The following SLC5A11 variants were observed in gnomAD, a reference collection of about 807,000 sequenced individuals.
SLC5A11 encodes the protein sodium/myo-inositol cotransporter 2.
SLC5A11 carries 48 observed loss-of-function variants against 69.8 expected under a neutral mutation model. The ratio of observed to expected loss-of-function variants is 0.69; its 90% CI spans 0.55 to 0.87. The LOEUF (loss-of-function observed/expected upper bound fraction) is 0.87. Among genes scored for constraint, SLC5A11 ranks in the 40% least tolerant of loss-of-function variants. The probability of loss-of-function intolerance (pLI) is 0.00; values close to 1 mark genes in which losing one functional copy is unlikely to be tolerated. For missense variants in SLC5A11, 784 were observed against 866.1 expected (o/e 0.91, Z 1.19); for synonymous variants, 319 against 342.4 (o/e 0.93, Z 0.75).
intron 10 of SLC5A11, among the ~76,000 whole-genome samples, chr16:24,905,868 A>G (rs1437307200): frequency 6.6e-6 from 1 of 152,182 alleles, no homozygotes; most frequent in East Asian, 1.9e-4. Context: ...TAGAGTTGTG[A>G]AAATTAAATG....
intron 8 of SLC5A11, among the ~76,000 whole-genome samples, chr16:24,884,865 C>T (rs1022509228): frequency 1.3e-5 from 2 of 151,888 alleles, no homozygotes; most frequent in East Asian, 3.9e-4. Flanking sequence ...CTCAGCCTCC[C>T]AAGTAGCTGG....
rs754410407 is a variant in SLC5A11, at chr16:24,892,457, AAAGG to A, written c.870+1385_870+1388del. Among the ~76,000 whole-genome samples the A allele has an allele frequency of 5.2e-3, 784 of 151,926 alleles. 6 individuals carry two copies. The highest frequency in any genetic ancestry group is 0.014 in the Admixed American group (212 of 15,246). ...GTCCTTTTGTGTTAAAAAAAAAAAA[AAAGG>A]AGAATAGAATCAATATTTGCATTTG... On this transcript the variant is annotated intron_variant, in intron 9 of 15. Coordinates refer to ENST00000347898, the Ensembl canonical transcript of SLC5A11.
At position 24,896,942 on chromosome 16, in the gene SLC5A11, C is replaced by CTTTTTTTT. The variant is rs869210839; in HGVS notation, c.871-1011_871-1004dup. Among the ~76,000 whole-genome samples the CTTTTTTTT allele has an allele frequency of 6.2e-5, 6 of 97,092 alleles. 1 individual carries two copies. The highest frequency in any genetic ancestry group is 5.7e-5 in the Non-Finnish European group (3 of 52,668). The allele number at this position is 97,092 out of a possible 152,430, so 63.7% of individuals were successfully genotyped here. On this transcript the variant is annotated intron_variant, in intron 9 of 15. Transcript: ENST00000347898. ...CACCAGGAGTTAGACAACCTCCTTCCTTTTTTTTTTTTTTTTTTTTTTTTT... is the reference window on the plus strand; with the variant it reads ...CACCAGGAGTTAGACAACCTCCTTCCTTTTTTTTTTTTTTTTTTTTTTTTTTTTTTTTT...
intron 10 of SLC5A11, among the ~76,000 whole-genome samples, chr16:24,899,615 G>A (rs1205389328): frequency 6.6e-6 from 1 of 152,074 alleles, no homozygotes; most frequent in Non-Finnish European, 1.5e-5. Flanking sequence ...TGTTGGCCAG[G>A]ATGGTCTCGA....
intron 7 of SLC5A11, among the ~76,000 whole-genome samples, chr16:24,880,535 T>C (rs1013950728): frequency 6.6e-6 from 1 of 152,120 alleles, no homozygotes; most frequent in African/African-American, 2.4e-5. Flanking sequence ...GGTTTCTCCA[T>C]GTTGGTCAGG....
rs188130574 is a variant in SLC5A11, at chr16:24,882,383, A to G, written c.584-1668A>G. The stretch of plus-strand genomic sequence containing the variant: ...TGAACGGCAGGGAACTGAGGCCAGA[A>G]TCAAAGCCAGTTCTCCTCCCCTTTG... On this transcript the variant is annotated intron_variant, in intron 7 of 15. Transcript: ENST00000347898. 2.0e-5 allele frequency among the ~76,000 whole-genome samples: 3 copies of G among 152,320 alleles called. No homozygotes were observed. In the East Asian group the frequency reaches 5.8e-4, roughly 29 times the overall value.
intron 1 of SLC5A11, among the ~76,000 whole-genome samples, chr16:24,849,730 G>A (rs1345281066): frequency 1.3e-5 from 2 of 149,914 alleles, no homozygotes; most frequent in Non-Finnish European, 3.0e-5. Context: ...TCCCTGAAAG[G>A]CAGGTGAAGG....
chr16:24,900,021 A>G (rs1456652799), intron 10 of SLC5A11, among the ~76,000 whole-genome samples: 1 of 152,044 alleles, frequency 6.6e-6, no homozygotes, highest in Non-Finnish European at 1.5e-5. Flanking sequence ...TTTTCTTAAC[A>G]AATCTCATGG....
chr16:24,892,379 G>C (rs1244806790), intron 9 of SLC5A11, among the ~76,000 whole-genome samples: 1 of 150,854 alleles, frequency 6.6e-6, no homozygotes, highest in Non-Finnish European at 1.5e-5. Context: ...ATACATAACT[G>C]GTGTGAAAAA....
intron 6 of SLC5A11, chr16:24,877,045 A>C: frequency 1.4e-6 from 2 of 1,387,180 alleles, no homozygotes; most frequent in Non-Finnish European, 1.9e-6. Context: ...CAGGAAGACC[A>C]TTGAGGAGGC....
chr16:24,910,493 C>T lies in SLC5A11; in HGVS notation c.1822+16C>T, dbSNP rs1235497432. The T allele has an allele frequency of 1.9e-6, 3 of 1,612,682 alleles. No homozygotes were observed. Among genetic ancestry groups the T allele is most frequent in the African/African-American group, 1.3e-5 (1 of 74,820 alleles). ...ACCCACAGCTGTGAGTAGCTTCTCTCCTCAGTTACAGCAAGAAGGAGTACG... is the reference window on the plus strand; with the variant it reads ...ACCCACAGCTGTGAGTAGCTTCTCTTCTCAGTTACAGCAAGAAGGAGTACG... On this transcript the variant is annotated intron_variant, in intron 15 of 15. Transcript: ENST00000347898.
chr16:24,860,460 A>G (rs2059719007), intron 2 of SLC5A11, among the ~76,000 whole-genome samples: 1 of 152,114 alleles, frequency 6.6e-6, no homozygotes, highest in Non-Finnish European at 1.5e-5. Flanking sequence ...CCGTCTCAAA[A>G]ATAAATAAAT....
intron 9 of SLC5A11, 123 bp from the exon 11 acceptor site, chr16:24,897,851 C>T: frequency 1.6e-6 from 2 of 1,269,758 alleles, no homozygotes; most frequent in South Asian, 1.4e-5. Flanking sequence ...CAGTTATCTC[C>T]CACTGACTCC....
intron 12 of SLC5A11, 74 bp downstream of exon 13, chr16:24,907,249 C>A: frequency 6.5e-7 from 1 of 1,549,084 alleles, no homozygotes; most frequent in Non-Finnish European, 8.8e-7. Context: ...AGTCCAGGTT[C>A]AGCCAGCAAC....
At chr16:24,847,481 G>A (rs983268270) in intron 1 of SLC5A11, among the ~76,000 whole-genome samples, 1 of 151,650 alleles carries the variant, frequency 6.6e-6, no homozygotes, top group Non-Finnish European at 1.5e-5. Context: ...AGGCTGAAAT[G>A]TAGTACTATC....
chr16:24,911,482 C>A, exon 16 of SLC5A11: 1 of 1,614,122 alleles, frequency 6.2e-7, no homozygotes, highest in East Asian at 2.2e-5. Flanking sequence ...TGGACGTCAA[C>A]CTCATTTTCT....
intron 9 of SLC5A11, among the ~76,000 whole-genome samples, chr16:24,893,106 A>G (rs138190013): frequency 0.01 from 1,275 of 127,048 alleles, 27 homozygotes; most frequent in African/African-American, 0.034. Flanking sequence ...CCCTGTCTCT[A>G]CTAAAAATAC....
chr16:24,905,638 GCGCACACACACACA>G (rs1218345801), intron 10 of SLC5A11, among the ~76,000 whole-genome samples: 70 of 70,310 alleles, frequency 1.0e-3, no homozygotes, highest in African/African-American at 2.9e-3. Context: ...ACGCGCGCGC[GCGCACACACACACA>G]CACACACACA....
At chr16:24,858,551 G>A (rs2059628419) in intron 1 of SLC5A11, 69 bp from the exon 3 acceptor site, 2 of 1,434,798 alleles carry the variant, frequency 1.4e-6, no homozygotes, top group Non-Finnish European at 1.9e-6. Context: ...GCCTAGGGAG[G>A]TAGCTACAGA....
Sources: allele counts gnomAD v4.1 joint callset (sites outside exome capture counted in the v4.1 genomes callset), GRCh38; gene constraint gnomAD v4.1.1; transcripts MANE v1.5; gene names NCBI Gene and HGNC (gene_info 2026-07-23, HGNC 2026-07-21).